The following FER variants were observed in gnomAD, a reference collection of about 807,000 sequenced individuals.
The protein encoded by FER is tyrosine-protein kinase Fer.
In FER, 63 loss-of-function variants were observed where a neutral mutation model predicts 111.0. That is an observed-to-expected ratio of 0.57 (90% CI 0.46 to 0.70). The LOEUF (loss-of-function observed/expected upper bound fraction) is 0.70, where lower values mean the gene tolerates loss of function less well. FER is among the 30% of genes least tolerant of loss of function. The pLI is 0.00. For synonymous variants in FER, 327 were observed against 313.9 expected, an observed-to-expected ratio of 1.04 and a Z score of -0.44; for missense variants, 914 against 954.0, an observed-to-expected ratio of 0.96 and a Z score of 0.55.
At chr5:109,046,179 A>G (rs3797827) in intron 15 of FER, among the ~76,000 whole-genome samples, 28,621 of 151,966 alleles carry the variant, frequency 0.19, 2,853 homozygotes, top group Non-Finnish European at 0.22. Flanking sequence ...TCAATTATCC[A>G]TTTGCCAACT....
At chr5:108,966,700 C>G (rs1343845424) in intron 13 of FER, among the ~76,000 whole-genome samples, 1 of 151,840 alleles carries the variant, frequency 6.6e-6, no homozygotes, top group Admixed American at 6.6e-5. Flanking sequence ...ATTTATTATA[C>G]TTTCTATATG....
chr5:109,116,181 C>T (rs962323141), intron 17 of FER, among the ~76,000 whole-genome samples: 13 of 151,850 alleles, frequency 8.6e-5, no homozygotes, highest in African/African-American at 2.2e-4. Flanking sequence ...AGCAGTGTCC[C>T]GAAGAGGTCG....
intron 4 of FER, among the ~76,000 whole-genome samples, chr5:108,834,506 T>C (rs549540508): frequency 1.4e-4 from 22 of 152,186 alleles, no homozygotes; most frequent in African/African-American, 4.3e-4. Flanking sequence ...AAGACCAGCC[T>C]GGGCAACACG....
intron 2 of FER, among the ~76,000 whole-genome samples, chr5:108,774,437 T>G (rs1221495753): frequency 6.6e-6 from 1 of 152,164 alleles, no homozygotes; most frequent in Non-Finnish European, 1.5e-5. Context: ...GATTGCTGGG[T>G]CAAGTTGTAT....
chr5:109,091,343 G>A (rs544222207), intron 16 of FER, among the ~76,000 whole-genome samples: 25 of 152,288 alleles, frequency 1.6e-4, no homozygotes, highest in African/African-American at 5.5e-4. Context: ...TATGGCTCCT[G>A]TGGGCCCAGG....
chr5:108,877,782 A>T (rs1385283855), intron 8 of FER, among the ~76,000 whole-genome samples: 1 of 152,170 alleles, frequency 6.6e-6, no homozygotes, highest in Admixed American at 6.6e-5. Flanking sequence ...TTTTTTTGGA[A>T]GTTGGAAGTT....
At chr5:109,051,959 C>T (rs1360121986) in intron 16 of FER, 9 of 1,590,540 alleles carry the variant, frequency 5.7e-6, no homozygotes, top group African/African-American at 1.3e-5. Flanking sequence ...AGCAAGGTCA[C>T]CTCAAAGATA....
At chr5:108,976,958 A>G (rs1385641543) in intron 13 of FER, among the ~76,000 whole-genome samples, 2 of 152,214 alleles carry the variant, frequency 1.3e-5, no homozygotes, top group South Asian at 2.1e-4. Flanking sequence ...GTGTTATTCA[A>G]GGTTTATGGT....
intron 17 of FER, among the ~76,000 whole-genome samples, chr5:109,110,424 A>G (rs1168952882): frequency 1.3e-5 from 2 of 152,086 alleles, no homozygotes; most frequent in African/African-American, 2.4e-5. Flanking sequence ...GGCAATGAGC[A>G]TTGGAACTGC....
At chr5:109,051,540 C>G in intron 16 of FER, 1 of 1,611,658 alleles carries the variant, frequency 6.2e-7, no homozygotes, top group Non-Finnish European at 8.5e-7. Flanking sequence ...CCCAGTTTTG[C>G]TCACTTGCTT....
intron 13 of FER, among the ~76,000 whole-genome samples, chr5:109,020,780 C>T (rs1767816915): frequency 6.6e-6 from 1 of 151,992 alleles, no homozygotes; most frequent in Admixed American, 6.6e-5. Flanking sequence ...TGGTTTTCAG[C>T]CACCTTGCCA....
At chr5:108,845,013 T>TATATATATATATATATATATATAC (rs1761788328) in intron 5 of FER, among the ~76,000 whole-genome samples, 2 of 57,218 alleles carry the variant, frequency 3.5e-5, no homozygotes, top group South Asian at 6.3e-4. Context: ...TATATATATA[T>TATATATATATATATATATATATAC]ATATATATAT....
intron 1 of FER, among the ~76,000 whole-genome samples, chr5:108,755,208 A>G (rs1359355796): frequency 6.6e-6 from 1 of 152,170 alleles, no homozygotes; most frequent in African/African-American, 2.4e-5. Context: ...CTTGTATCCT[A>G]TAGTTTGCAG....
rs756426362 is a variant in FER at position 109,180,885 on chromosome 5, G to C, written c.2187G>C (p.Pro729=). The change falls in exon 18 of 20, where the codon CCG becomes CCC. Residue 729 remains proline (P), a synonymous_variant. Coordinates refer to ENST00000281092, the MANE Select transcript of FER (RefSeq NM_005246.4). Reference sequence around the variant, plus strand: ...AGATTCCCATTAAATGGACAGCACCGGAAGCTCTTAATTATGGTAAGAATA... The same window carrying C: ...AGATTCCCATTAAATGGACAGCACCCGAAGCTCTTAATTATGGTAAGAATA... ...LKQIPIKWTA[P]EALNYGRYSS... The C allele has an allele frequency of 6.2e-7, 1 of 1,608,868 alleles. No homozygotes were observed. Among genetic ancestry groups the C allele is most frequent in the Admixed American group, 1.7e-5 (1 of 58,890 alleles).
chr5:109,071,470 A>G (rs1775753750), intron 16 of FER, among the ~76,000 whole-genome samples: 3 of 151,920 alleles, frequency 2.0e-5, no homozygotes, highest in Admixed American at 2.0e-4. Context: ...ACTTGAGTAA[A>G]CCATTTTATA....
At chr5:109,075,986 GAA>G (rs545929920) in intron 16 of FER, among the ~76,000 whole-genome samples, 2 of 147,408 alleles carry the variant, frequency 1.4e-5, no homozygotes, top group Admixed American at 1.3e-4. Context: ...AAAGAAAAAT[GAA>G]AAAAAAAATT....
intron 17 of FER, among the ~76,000 whole-genome samples, chr5:109,129,539 G>T (rs1286067680): frequency 6.6e-6 from 1 of 151,934 alleles, no homozygotes; most frequent in Non-Finnish European, 1.5e-5. Flanking sequence ...ACTGTTAAAT[G>T]ATGACCTAGA....
Position 108,750,905 on chromosome 5 carries a change from G to A in FER, c.-206+2905G>A, listed in dbSNP as rs377303627. Among the ~76,000 whole-genome samples, 4 of 152,160 alleles carry A rather than the reference G, an allele frequency of 2.6e-5. No individual in the cohort carries two copies. The East Asian group carries it at 5.8e-4, about 22-fold the overall frequency. On this transcript the variant is annotated intron_variant, in intron 1 of 19. Coordinates refer to ENST00000281092, the MANE Select transcript of FER (RefSeq NM_005246.4). The stretch of plus-strand genomic sequence containing the variant: ...AAATGATCAAGCTTAAAAAACCAGC[G>A]TATGTGGCCGGGCGCGGTGGCTCAT...
chr5:108,906,080 A>T (rs1037302092), intron 10 of FER, among the ~76,000 whole-genome samples: 1 of 152,204 alleles, frequency 6.6e-6, no homozygotes, highest in South Asian at 2.1e-4. Flanking sequence ...AAGTTATGGG[A>T]CTTTTTCTGT....
Sources: allele counts gnomAD v4.1 joint callset (sites outside exome capture counted in the v4.1 genomes callset), GRCh38; gene constraint gnomAD v4.1.1; transcripts MANE v1.5; gene names NCBI Gene and HGNC (gene_info 2026-07-23, HGNC 2026-07-21).